Variants in RNF130 observed in about 807,000 individuals in gnomAD.
RNF130 encodes the protein E3 ubiquitin-protein ligase RNF130.
Under a neutral mutation model 44.6 loss-of-function variants are expected in RNF130, and 21 were observed. The observed-to-expected ratio is 0.47, with a 90% CI of 0.33 to 0.68. RNF130 has a LOEUF of 0.68. Ranked by LOEUF, RNF130 falls within the 30% of genes least tolerant of loss-of-function variation. The probability of loss-of-function intolerance (pLI) is 0.02; values close to 1 mark genes in which losing one functional copy is unlikely to be tolerated. For synonymous variants in RNF130, 214 were observed against 210.4 expected (o/e 1.02, Z -0.15); for missense variants, 479 against 560.6 (o/e 0.85, Z 1.47).
At chr5:180,040,094 C>T (rs1428864691) in intron 2 of RNF130, among the ~76,000 whole-genome samples, 1 of 152,158 alleles carries the variant, frequency 6.6e-6, no homozygotes, top group Non-Finnish European at 1.5e-5. Flanking sequence ...CTGATGAAAA[C>T]AGAATCCTTC....
chr5:180,011,724 C>T (rs1211151805), intron 3 of RNF130, among the ~76,000 whole-genome samples: 1 of 151,836 alleles, frequency 6.6e-6, no homozygotes, highest in Non-Finnish European at 1.5e-5. Context: ...CCATGACTGC[C>T]ACCACACTCC....
chr5:180,030,874 A>G (rs886148064), intron 2 of RNF130, among the ~76,000 whole-genome samples: 1 of 152,222 alleles, frequency 6.6e-6, no homozygotes, highest in Non-Finnish European at 1.5e-5. Flanking sequence ...TTCCATTTAC[A>G]GCTGAGAATA....
rs184180543 is a variant in RNF130 at position 180,063,575 on chromosome 5, G to A, written c.247+7881C>T. 2.4e-3 allele frequency among the ~76,000 whole-genome samples: 362 copies of A among 152,300 alleles called. 1 individual carries two copies. The highest frequency in any genetic ancestry group is 8.4e-3 in the African/African-American group (348 of 41,570). On this transcript the variant is annotated intron_variant, in intron 1 of 8. Coordinates refer to ENST00000521389, the MANE Select transcript of RNF130 (RefSeq NM_018434.6). ...AAGCCAAGCGCATGAACCTAGAGAG[G>A]CCTAGGCTAAAAATCAAGATACGGG... is the stretch of plus-strand genomic sequence containing the variant.
At chr5:179,946,125 A>G (rs1762033656) in intron 7 of RNF130, among the ~76,000 whole-genome samples, 1 of 152,228 alleles carries the variant, frequency 6.6e-6, no homozygotes, top group Non-Finnish European at 1.5e-5. Flanking sequence ...TATAAGCCCC[A>G]AGCTCCTAGG....
intron 1 of RNF130, among the ~76,000 whole-genome samples, chr5:180,060,361 C>A (rs1423977616): frequency 1.3e-5 from 2 of 152,306 alleles, no homozygotes; most frequent in East Asian, 1.9e-4. Context: ...CCTGGCCTAG[C>A]CAATCAGGAA....
intron 7 of RNF130, among the ~76,000 whole-genome samples, chr5:179,943,240 T>G (rs1183065297): frequency 6.6e-6 from 1 of 152,188 alleles, no homozygotes; most frequent in Admixed American, 6.5e-5. Context: ...GACAGGTCAC[T>G]GACCAATAGG....
intron 2 of RNF130, among the ~76,000 whole-genome samples, chr5:180,018,248 C>T (rs6601078): frequency 0.82 from 123,664 of 150,226 alleles, 51,222 homozygotes; most frequent in South Asian, 0.93. Flanking sequence ...TGAGCCGAGA[C>T]TGTGCCACTG....
At chr5:180,044,876 T>C (rs1345615405) in intron 1 of RNF130, among the ~76,000 whole-genome samples, 2 of 151,912 alleles carry the variant, frequency 1.3e-5, no homozygotes, top group African/African-American at 4.8e-5. Context: ...GGCATCATAA[T>C]TGGCACCAGC....
intron 7 of RNF130, among the ~76,000 whole-genome samples, chr5:179,949,681 G>A (rs985807890): frequency 2.0e-5 from 3 of 152,146 alleles, no homozygotes; most frequent in African/African-American, 7.2e-5. Flanking sequence ...CTTCTTAGTT[G>A]TGTGAAATTA....
intron 3 of RNF130, among the ~76,000 whole-genome samples, chr5:180,003,988 G>A (rs773730031): frequency 6.6e-6 from 1 of 152,120 alleles, no homozygotes; most frequent in Non-Finnish European, 1.5e-5. Context: ...TCGTGTTATC[G>A]TCACAATCAT....
intron 3 of RNF130, among the ~76,000 whole-genome samples, chr5:180,005,708 T>C (rs1199808460): frequency 6.6e-6 from 1 of 152,186 alleles, no homozygotes; most frequent in African/African-American, 2.4e-5. Context: ...ACAACCTACC[T>C]TCTCTGTGAA....
chr5:179,992,952 C>A (rs1202528285), intron 3 of RNF130, among the ~76,000 whole-genome samples: 5 of 152,188 alleles, frequency 3.3e-5, no homozygotes, highest in Non-Finnish European at 7.3e-5. Context: ...TCAATTCCCA[C>A]CTATGAGTGA....
At chr5:180,026,682 G>T (rs1327467513) in intron 2 of RNF130, among the ~76,000 whole-genome samples, 2 of 152,144 alleles carry the variant, frequency 1.3e-5, no homozygotes, top group Non-Finnish European at 2.9e-5. Context: ...ACAGTATATA[G>T]GGAATACTTA....
chr5:179,991,325 G>T (rs1281378855), intron 3 of RNF130, among the ~76,000 whole-genome samples: 3 of 152,178 alleles, frequency 2.0e-5, no homozygotes, highest in Non-Finnish European at 4.4e-5. Context: ...TCATGGTGAA[G>T]TCCTTTTGCA....
chr5:179,968,991 C>T (rs979469867), intron 6 of RNF130, among the ~76,000 whole-genome samples: 3 of 152,178 alleles, frequency 2.0e-5, no homozygotes, highest in Non-Finnish European at 4.4e-5. Flanking sequence ...GCATTACTGC[C>T]CAACTGTATA....
chr5:179,940,505 G>A (rs1298492384), intron 7 of RNF130, among the ~76,000 whole-genome samples: 4 of 152,072 alleles, frequency 2.6e-5, no homozygotes, highest in African/African-American at 7.2e-5. Context: ...CCAAAGTGCT[G>A]GGATTACAGG....
At chr5:179,962,915 G>A (rs769243334) in intron 8 of RNF130, among the ~76,000 whole-genome samples, 3 of 152,100 alleles carry the variant, frequency 2.0e-5, no homozygotes, top group Non-Finnish European at 2.9e-5. Flanking sequence ...CTCTTTGGTC[G>A]CCATTTTGCC....
rs770240344 is a variant in RNF130 at position 179,977,680 on chromosome 5, C to T, written c.848+523G>A. Among the ~76,000 whole-genome samples, 1 of 151,998 alleles carries T rather than the reference C, an allele frequency of 6.6e-6. No individual in the cohort carries two copies. Among genetic ancestry groups the T allele is most frequent in the East Asian group, 1.9e-4 (1 of 5,174 alleles). ...CCAACTGGCCAACATGATGAAACCCCGTCTCTACTAAAAATACAAAAATTA... is the reference window on the plus strand; with the variant it reads ...CCAACTGGCCAACATGATGAAACCCTGTCTCTACTAAAAATACAAAAATTA... On this transcript the variant is annotated intron_variant, in intron 5 of 8. Transcript: ENST00000521389. This position sits in a 1 kb window ranked among gnomAD's most constrained non-coding sequence, Gnocchi z 4.1.
chr5:179,939,812 G>A (rs1249360575), intron 7 of RNF130: 1 of 382,416 alleles, frequency 2.6e-6, no homozygotes, highest in African/African-American at 2.2e-5. Flanking sequence ...CTTCAAAGAA[G>A]TTGAATGAAA....
Sources: allele counts gnomAD v4.1 joint callset (sites outside exome capture counted in the v4.1 genomes callset), GRCh38; gene constraint gnomAD v4.1.1; non-coding constraint Gnocchi (gnomAD v3.1); transcripts MANE v1.5; gene names NCBI Gene and HGNC (gene_info 2026-07-23, HGNC 2026-07-21).